Variants in PTK2 observed in about 807,000 individuals in gnomAD.
PTK2 encodes focal adhesion kinase 1.
PTK2 carries 45 observed loss-of-function variants against 150.1 expected under a neutral mutation model. That is an observed-to-expected ratio of 0.30 (90% CI 0.24 to 0.38). The LOEUF (loss-of-function observed/expected upper bound fraction) is 0.38, where lower values mean the gene tolerates loss of function less well. Ranked by LOEUF, PTK2 falls within the 10% of genes least tolerant of loss-of-function variation. The pLI is 1.00. For synonymous variants in PTK2, 432 were observed against 449.2 expected (o/e 0.96, Z 0.48); for missense variants, 919 against 1,307.3 (o/e 0.70, Z 4.58).
At chr8:140,887,509 C>T (rs2100152737) in intron 3 of PTK2, among the ~76,000 whole-genome samples, 1 of 152,124 alleles carries the variant, frequency 6.6e-6, no homozygotes, top group Admixed American at 6.5e-5. Context: ...ATGATAAAGG[C>T]TCTATAATGA....
In PTK2 at chr8:140,854,447, T is replaced by A. The variant is rs532315808; in HGVS notation, c.451-7769A>T. On this transcript the variant is annotated intron_variant, in intron 5 of 31. Coordinates refer to ENST00000522684, the Ensembl canonical transcript of PTK2. ...TACTTATAACTTTAACAAATGAAAG[T>A]TGTGAGAGAAAAAATAAACGTTACA... Among the ~76,000 whole-genome samples the A allele has an allele frequency of 7.6e-4, 115 of 152,306 alleles. 1 individual carries two copies. Among genetic ancestry groups the A allele is most frequent in the Non-Finnish European group, 1.5e-3 (100 of 68,020 alleles).
At chr8:140,961,408 T>C (rs2100183120) in intron 1 of PTK2, among the ~76,000 whole-genome samples, 1 of 152,182 alleles carries the variant, frequency 6.6e-6, no homozygotes, top group African/African-American at 2.4e-5. Flanking sequence ...ACACCTGTAA[T>C]CCCAGCACTT....
intron 23 of PTK2, among the ~76,000 whole-genome samples, chr8:140,717,102 C>T (rs146018445): frequency 2.8e-4 from 42 of 152,336 alleles, no homozygotes; most frequent in African/African-American, 4.8e-4. Flanking sequence ...CTGCAATGTG[C>T]TCTCTTTCCC....
intron 2 of PTK2, among the ~76,000 whole-genome samples, chr8:140,896,982 T>C (rs1432933331): frequency 6.6e-6 from 1 of 152,234 alleles, no homozygotes; most frequent in Non-Finnish European, 1.5e-5. Context: ...ACTATACTTC[T>C]GATCATTTTA....
rs2100031840 is a variant in PTK2, at chr8:140,703,322, C to T, written c.2230-615G>A. Among the ~76,000 whole-genome samples the T allele has an allele frequency of 2.0e-5, 3 of 152,028 alleles. No homozygotes were observed. The South Asian group carries it at 6.2e-4, about 32-fold the overall frequency. On this transcript the variant is annotated intron_variant, in intron 24 of 31. Transcript: ENST00000522684. ...GAACATGGAGTAAGGGGACCATGAG[C>T]CAAGGCATGTAGGTGCCCTGTAGAA...
chr8:140,947,319 C>G (rs2100178029), intron 1 of PTK2, among the ~76,000 whole-genome samples: 1 of 152,214 alleles, frequency 6.6e-6, no homozygotes, highest in South Asian at 2.1e-4. Flanking sequence ...CCCACATCAT[C>G]ATGCTACAAA....
At chr8:140,669,828 C>G (rs1213491512) in intron 29 of PTK2, 93 bp from the exon 33 acceptor site, 3 of 1,371,934 alleles carry the variant, frequency 2.2e-6, no homozygotes, top group African/African-American at 1.4e-5. Flanking sequence ...TAAGACAAAT[C>G]CCCCATAAAA....
At chr8:140,849,443 C>T (rs1009219484) in intron 5 of PTK2, among the ~76,000 whole-genome samples, 7 of 152,218 alleles carry the variant, frequency 4.6e-5, no homozygotes, top group African/African-American at 1.7e-4. Flanking sequence ...CACTTCTTGA[C>T]CACCTGTCTT....
chr8:140,949,698 G>A (rs1279369204), intron 1 of PTK2, among the ~76,000 whole-genome samples: 1 of 152,228 alleles, frequency 6.6e-6, no homozygotes, highest in Non-Finnish European at 1.5e-5. Context: ...GGCTCAGTGT[G>A]GGCCTGCAGG....
In PTK2 at chr8:140,757,066, G is replaced by T. The variant is rs147402134; in HGVS notation, c.1332+4099C>A. On this transcript the variant is annotated intron_variant, in intron 16 of 31. Coordinates refer to ENST00000522684, the Ensembl canonical transcript of PTK2. ...ATCTTGTATTTTCACAACTAAAATG[G>T]ATTACGTATTTTAAAAGTGAATGAA... is the stretch of plus-strand genomic sequence containing the variant. 5.4e-3 allele frequency among the ~76,000 whole-genome samples: 819 copies of T among 152,182 alleles called. 6 individuals are homozygous for T. Among genetic ancestry groups the T allele is most frequent in the South Asian group, 0.031 (148 of 4,808 alleles).
intron 1 of PTK2, among the ~76,000 whole-genome samples, chr8:140,960,917 T>C (rs996558719): frequency 2.0e-5 from 3 of 151,250 alleles, no homozygotes; most frequent in Non-Finnish European, 3.0e-5. Context: ...GAGGCGGAGG[T>C]TGCAGTGAGC....
chr8:140,815,477 C>A (rs780688630), intron 10 of PTK2, among the ~76,000 whole-genome samples: 1 of 152,010 alleles, frequency 6.6e-6, no homozygotes, highest in Non-Finnish European at 1.5e-5. Flanking sequence ...AGGATTAATA[C>A]CTGGGTGACA....
At chr8:140,931,444 A>G (rs1472712337) in intron 1 of PTK2, among the ~76,000 whole-genome samples, 1 of 152,182 alleles carries the variant, frequency 6.6e-6, no homozygotes, top group Admixed American at 6.5e-5. Flanking sequence ...GCCTGCCTGT[A>G]GTCCCAGCTG....
At chr8:140,876,170 T>G (rs193077788) in intron 4 of PTK2, among the ~76,000 whole-genome samples, 1 of 152,252 alleles carries the variant, frequency 6.6e-6, no homozygotes, top group Admixed American at 6.5e-5. Context: ...ATGGGGCCAA[T>G]GCATATTTAG....
chr8:140,674,881 T>C (rs1319107452), intron 28 of PTK2, among the ~76,000 whole-genome samples: 1 of 134,660 alleles, frequency 7.4e-6, no homozygotes, highest in Non-Finnish European at 1.6e-5. Context: ...ACCCCATCTC[T>C]AGTAAAATTA....
Position 140,712,420 on chromosome 8 carries a change from T to C in PTK2, c.2142+5178A>G, listed in dbSNP as rs143090007. 4.5e-3 allele frequency among the ~76,000 whole-genome samples: 684 copies of C among 152,338 alleles called. 4 individuals carry two copies. The highest frequency in any genetic ancestry group is 0.016 in the African/African-American group (647 of 41,572). ...ACAACTGGAAAAGGGAGGAGTATTTTGGTAGATTCTGGGCACAACTGTGGT... is the reference window on the plus strand; with the variant it reads ...ACAACTGGAAAAGGGAGGAGTATTTCGGTAGATTCTGGGCACAACTGTGGT... On this transcript the variant is annotated intron_variant, in intron 23 of 31. Coordinates refer to ENST00000522684, the Ensembl canonical transcript of PTK2.
At chr8:140,690,969 C>A (rs755699754) in intron 26 of PTK2, among the ~76,000 whole-genome samples, 1 of 152,154 alleles carries the variant, frequency 6.6e-6, no homozygotes, top group Non-Finnish European at 1.5e-5. Context: ...TTGTAACCAA[C>A]ACATAGGATT....
At position 140,853,205 on chromosome 8, in the gene PTK2, T is replaced by TA. The variant is rs1336515330; in HGVS notation, c.451-6528dup. On this transcript the variant is annotated intron_variant, in intron 5 of 31. Transcript: ENST00000522684. ...ATGATGTCACACTCTTTTTTTTTTT[T>TA]AATACTTTAAGTTTTAGGGTACATG... Among the ~76,000 whole-genome samples, 5 of 151,878 alleles carry TA rather than the reference T, an allele frequency of 3.3e-5. No individual in the cohort carries two copies. The East Asian group carries it at 5.8e-4, about 18-fold the overall frequency.
intron 1 of PTK2, among the ~76,000 whole-genome samples, chr8:140,955,770 A>C (rs2100180995): frequency 6.6e-6 from 1 of 152,178 alleles, no homozygotes; most frequent in African/African-American, 2.4e-5. Flanking sequence ...AACCAATTCC[A>C]TTTCCACAGC....
Sources: gnomAD v4.1 joint callset for allele counts (sites outside exome capture counted in the v4.1 genomes callset) on GRCh38, gnomAD v4.1.1 for gene constraint, MANE v1.5 for transcripts, NCBI Gene and HGNC (gene_info 2026-07-23, HGNC 2026-07-21) for gene names.